Variants in LRRTM4 observed in about 807,000 individuals in gnomAD.
LRRTM4 encodes leucine rich repeat transmembrane neuronal 4, also known as leucine-rich repeat transmembrane neuronal protein 4.
A neutral mutation model predicts 47.6 loss-of-function variants in LRRTM4; 25 were observed. That is an observed-to-expected ratio of 0.53 (90% CI 0.38 to 0.73). The LOEUF (loss-of-function observed/expected upper bound fraction) is 0.73, where lower values mean the gene tolerates loss of function less well. Ranked by LOEUF, LRRTM4 falls within the 30% of genes least tolerant of loss-of-function variation. LRRTM4 has a pLI of 0.00. For missense variants in LRRTM4, 638 were observed against 713.4 expected (o/e 0.89, Z 1.20); for synonymous variants, 311 against 269.5 (o/e 1.15, Z -1.51).
At chr2:76,903,319 G>T (rs550933542) in intron 3 of LRRTM4, among the ~76,000 whole-genome samples, 2 of 152,064 alleles carry the variant, frequency 1.3e-5, no homozygotes, top group Non-Finnish European at 2.9e-5. Flanking sequence ...GGTGTATCAC[G>T]AGGTCAGGAG....
rs1573206603 is a variant in LRRTM4, at chr2:77,293,080, C to T, written c.1551+225238G>A. On this transcript the variant is annotated intron_variant, in intron 3 of 3. Coordinates refer to ENST00000409884, the MANE Select transcript of LRRTM4 (RefSeq NM_001134745.3). Reference sequence around the variant, plus strand: ...TGAGCTTGTATACTTGATAGCTTCCCTTGTCAAATTCTCTTGGAAATGTAC... The same window carrying T: ...TGAGCTTGTATACTTGATAGCTTCCTTTGTCAAATTCTCTTGGAAATGTAC... Among the ~76,000 whole-genome samples, 7 of 151,994 alleles carry T rather than the reference C, an allele frequency of 4.6e-5. 1 individual carries two copies.
At chr2:76,839,331 G>T (rs1671607091) in intron 3 of LRRTM4, among the ~76,000 whole-genome samples, 1 of 152,032 alleles carries the variant, frequency 6.6e-6, no homozygotes, top group Non-Finnish European at 1.5e-5. Flanking sequence ...TGTCAGAGGG[G>T]CAAAACTCAC....
intron 3 of LRRTM4, among the ~76,000 whole-genome samples, chr2:77,006,544 A>G (rs1677657490): frequency 6.6e-6 from 1 of 152,168 alleles, no homozygotes; most frequent in African/African-American, 2.4e-5. Flanking sequence ...TCAATGCAGC[A>G]TTCTGAGGTA....
At chr2:77,155,006 A>G (rs1208741043) in intron 3 of LRRTM4, among the ~76,000 whole-genome samples, 2 of 152,204 alleles carry the variant, frequency 1.3e-5, no homozygotes, top group Non-Finnish European at 2.9e-5. Flanking sequence ...CAATTTTAGT[A>G]TAAATCCACA....
chr2:77,059,710 G>A (rs544085617), intron 3 of LRRTM4, among the ~76,000 whole-genome samples: 11 of 152,188 alleles, frequency 7.2e-5, no homozygotes, highest in Non-Finnish European at 1.5e-4. Flanking sequence ...AGCTGAAAGG[G>A]CAATAAATGT....
At chr2:76,998,789 A>C (rs1306925820) in intron 3 of LRRTM4, among the ~76,000 whole-genome samples, 1 of 149,120 alleles carries the variant, frequency 6.7e-6, no homozygotes, top group African/African-American at 2.5e-5. Context: ...TTTTTCCTTA[A>C]CATCAGGCGT....
At chr2:77,491,666 G>A (rs969828029) in intron 3 of LRRTM4, among the ~76,000 whole-genome samples, 5 of 151,524 alleles carry the variant, frequency 3.3e-5, no homozygotes, top group African/African-American at 1.2e-4. Context: ...AAAATTATAT[G>A]ATAATATATT....
At chr2:77,246,852 TATAGAC>T (rs1185656305) in intron 3 of LRRTM4, among the ~76,000 whole-genome samples, 5 of 152,130 alleles carry the variant, frequency 3.3e-5, no homozygotes, top group African/African-American at 1.2e-4. Context: ...TATATGCATA[TATAGAC>T]ATATTATTAT....
intron 3 of LRRTM4, among the ~76,000 whole-genome samples, chr2:76,945,957 A>G (rs562551212): frequency 1.9e-4 from 29 of 152,102 alleles, no homozygotes; most frequent in Admixed American, 1.5e-3. Flanking sequence ...TCTTTAAACA[A>G]TAAGAGTTTC....
At chr2:76,977,081 A>T (rs7556871) in intron 3 of LRRTM4, among the ~76,000 whole-genome samples, 2 of 151,060 alleles carry the variant, frequency 1.3e-5, no homozygotes, top group African/African-American at 4.9e-5. Flanking sequence ...CACTTTCAGC[A>T]AAACTCTTAC....
intron 3 of LRRTM4, among the ~76,000 whole-genome samples, chr2:76,830,261 A>G (rs1163952995): frequency 6.6e-6 from 1 of 152,076 alleles, no homozygotes; most frequent in Non-Finnish European, 1.5e-5. Flanking sequence ...CAATAAAACT[A>G]TAAAATCTTA....
chr2:77,038,000 G>A (rs1409582862), intron 3 of LRRTM4, among the ~76,000 whole-genome samples: 3 of 151,584 alleles, frequency 2.0e-5, no homozygotes, highest in Middle Eastern at 3.2e-3. Flanking sequence ...GTTACACAGA[G>A]CCTTGTGTTC....
At chr2:77,046,045 C>A (rs1679224923) in intron 3 of LRRTM4, among the ~76,000 whole-genome samples, 1 of 151,940 alleles carries the variant, frequency 6.6e-6, no homozygotes. Flanking sequence ...TCTTAAAGAA[C>A]ATTCCACATT....
At chr2:76,935,380 C>A (rs540313173) in intron 3 of LRRTM4, among the ~76,000 whole-genome samples, 2 of 152,104 alleles carry the variant, frequency 1.3e-5, no homozygotes, top group South Asian at 4.2e-4. Context: ...TTTTTCAATT[C>A]TGTGAAGAAA....
At chr2:77,036,607 C>T (rs1287099329) in intron 3 of LRRTM4, among the ~76,000 whole-genome samples, 1 of 151,650 alleles carries the variant, frequency 6.6e-6, no homozygotes, top group Non-Finnish European at 1.5e-5. Context: ...CATGTCAAAT[C>T]TCTTAAAATA....
chr2:77,121,051 G>C (rs1170687780), intron 3 of LRRTM4, among the ~76,000 whole-genome samples: 4 of 151,814 alleles, frequency 2.6e-5, no homozygotes, highest in African/African-American at 9.6e-5. Context: ...AGATAATGAC[G>C]AGAGGATGAA....
chr2:76,822,861 G>C (rs1671091725), intron 3 of LRRTM4, among the ~76,000 whole-genome samples: 1 of 151,228 alleles, frequency 6.6e-6, no homozygotes, highest in African/African-American at 2.4e-5. Flanking sequence ...AAATAAGATG[G>C]TCAGTATTGT....
chr2:77,102,576 T>C (rs2103914141), intron 3 of LRRTM4, among the ~76,000 whole-genome samples: 1 of 152,322 alleles, frequency 6.6e-6, no homozygotes, highest in South Asian at 2.1e-4. Flanking sequence ...ACTTTTTCAA[T>C]TGATCAAAGA....
chr2:77,253,686 C>A (rs1383393754), intron 3 of LRRTM4, among the ~76,000 whole-genome samples: 1 of 151,616 alleles, frequency 6.6e-6, no homozygotes, highest in African/African-American at 2.4e-5. Context: ...CCTCTATGAG[C>A]AATTATGATG....
Sources: allele counts gnomAD v4.1 joint callset (sites outside exome capture counted in the v4.1 genomes callset), GRCh38; gene constraint gnomAD v4.1.1; transcripts MANE v1.5; gene names NCBI Gene and HGNC (gene_info 2026-07-23, HGNC 2026-07-21).